FGD5: variants seen among roughly 807,000 people sequenced by gnomAD.
FGD5 encodes FYVE, RhoGEF and PH domain-containing protein 5.
Under a neutral mutation model 133.4 loss-of-function variants are expected in FGD5, and 28 were observed. That is an observed-to-expected ratio of 0.21 (90% CI 0.16 to 0.29). FGD5 has a LOEUF of 0.29. Ranked by LOEUF, FGD5 falls within the 10% of genes least tolerant of loss-of-function variation. The pLI, the probability that FGD5 is intolerant of heterozygous loss-of-function variation, is 1.00. For missense variants in FGD5, 1,858 were observed against 1,895.2 expected (o/e 0.98, Z 0.36); for synonymous variants, 810 against 776.5 (o/e 1.04, Z -0.72).
At chr3:14,828,772 G>GGGCAGTA (rs1316362656) in intron 1 of FGD5, among the ~76,000 whole-genome samples, 1 of 151,844 alleles carries the variant, frequency 6.6e-6, no homozygotes, top group African/African-American at 2.4e-5. Flanking sequence ...GCTATGGAGT[G>GGGCAGTA]GGCAGTAGGG....
At chr3:14,880,079 G>C (rs896686338) in intron 2 of FGD5, among the ~76,000 whole-genome samples, 1 of 152,174 alleles carries the variant, frequency 6.6e-6, no homozygotes, top group Admixed American at 6.5e-5. Context: ...GGGCTCGGTG[G>C]CTCATGCCTA....
chr3:14,865,535 C>T (rs965217671), intron 2 of FGD5, among the ~76,000 whole-genome samples: 1 of 152,126 alleles, frequency 6.6e-6, no homozygotes, highest in Non-Finnish European at 1.5e-5. Flanking sequence ...CCTTCACACC[C>T]TCCCCACCCC....
At chr3:14,851,257 T>C (rs2037158458) in intron 1 of FGD5, among the ~76,000 whole-genome samples, 2 of 152,184 alleles carry the variant, frequency 1.3e-5, no homozygotes, top group South Asian at 4.1e-4. Context: ...TCTCATCTGA[T>C]CCCTACATAG....
chr3:14,826,344 A>G (rs2036598064), intron 1 of FGD5, among the ~76,000 whole-genome samples: 1 of 150,416 alleles, frequency 6.6e-6, no homozygotes, highest in South Asian at 2.1e-4. Context: ...GCCCTCATCC[A>G]TTAGTGCATG....
At chr3:14,821,828 G>T (rs1227358214) in intron 1 of FGD5, among the ~76,000 whole-genome samples, 5 of 152,172 alleles carry the variant, frequency 3.3e-5, no homozygotes, top group Admixed American at 2.6e-4. Flanking sequence ...AAGGCCGGGC[G>T]CAGTGGCTCA....
intron 1 of FGD5, among the ~76,000 whole-genome samples, chr3:14,855,877 T>C (rs1279377701): frequency 6.6e-6 from 1 of 152,208 alleles, no homozygotes; most frequent in African/African-American, 2.4e-5. Flanking sequence ...GCTTTGTTGT[T>C]TGATATAATC....
chr3:14,891,161 G>A (rs1216903507), intron 4 of FGD5, among the ~76,000 whole-genome samples: 3 of 152,192 alleles, frequency 2.0e-5, no homozygotes, highest in Non-Finnish European at 4.4e-5. Flanking sequence ...CAGGGCTGGA[G>A]GCTGGGTCCT....
chr3:14,878,507 A>G (rs1019546621), intron 2 of FGD5, among the ~76,000 whole-genome samples: 1 of 152,170 alleles, frequency 6.6e-6, no homozygotes, highest in South Asian at 2.1e-4. Context: ...ATGATGGCCA[A>G]TAATTCCATA....
chr3:14,820,053 G>T lies in FGD5; in HGVS notation c.982G>T (p.Val328Phe), dbSNP rs1489588538. ...DESAEESCQI[V>F]PFENDCMEDF... ...GTCCGCCGAGGAGAGCTGCCAGATT[G>T]TCCCTTTTGAGAATGACTGCATGGA... Residue 328 changes from valine (V) to phenylalanine (F), a missense_variant, in exon 1 of 20, where the codon GTC becomes TTC. By Grantham distance (50) the Val-to-Phe change is conservative. Around this residue, in one of 3 missense-constraint regions of FGD5, gnomAD observed 1,824 missense variants for 1,848.9 expected, o/e 0.99. Transcript: ENST00000285046. The T allele has an allele frequency of 6.2e-7, 1 of 1,613,932 alleles. No individual in the cohort carries two copies.
chr3:14,857,236 A>AC (rs34915656), intron 1 of FGD5, among the ~76,000 whole-genome samples: 7,848 of 150,110 alleles, frequency 0.052, 251 homozygotes, highest in Middle Eastern at 0.095. Context: ...AGCAGCCTCC[A>AC]CCCCCCCAGG....
intron 1 of FGD5, among the ~76,000 whole-genome samples, chr3:14,850,396 A>C (rs1158720868): frequency 1.3e-5 from 2 of 152,206 alleles, no homozygotes; most frequent in Non-Finnish European, 2.9e-5. Context: ...CTGGTGAGGA[A>C]GGAAGCTCGT....
At chr3:14,815,936 G>C (rs2036361958), upstream of FGD5, among the ~76,000 whole-genome samples, 1 of 152,262 alleles carries the variant, frequency 6.6e-6, no homozygotes, top group African/African-American at 2.4e-5. Flanking sequence ...GTGAGGGTCA[G>C]ATGAAGCCTT....
Position 14,917,897 on chromosome 3 carries a change from G to A in FGD5, c.3489+565G>A, listed in dbSNP as rs1471896728. The stretch of plus-strand genomic sequence containing the variant: ...TATGTCCATGAATTTGACTACTATG[G>A]GTACCTCGAATGAGGAGTCACACAG... On this transcript the variant is annotated intron_variant, in intron 12 of 19. Coordinates refer to ENST00000285046, the MANE Select transcript of FGD5 (RefSeq NM_152536.4). The surrounding 1 kb of genome is among the most constrained non-coding windows in gnomAD (Gnocchi z 4.1). Among the ~76,000 whole-genome samples, 1 of 152,068 alleles carries A rather than the reference G, an allele frequency of 6.6e-6. No individual in the cohort carries two copies. Among genetic ancestry groups the A allele is most frequent in the East Asian group, 1.9e-4 (1 of 5,186 alleles).
intron 1 of FGD5, among the ~76,000 whole-genome samples, chr3:14,852,072 T>C (rs930459443): frequency 3.9e-5 from 6 of 152,240 alleles, no homozygotes; most frequent in African/African-American, 1.4e-4. Flanking sequence ...AGATTTATCA[T>C]ATGACCCAGC....
At chr3:14,872,920 G>C (rs992791840) in intron 2 of FGD5, among the ~76,000 whole-genome samples, 4 of 152,190 alleles carry the variant, frequency 2.6e-5, no homozygotes, top group African/African-American at 9.7e-5. Context: ...TTATCTTGAG[G>C]CCAGTGCTTG....
intron 1 of FGD5, among the ~76,000 whole-genome samples, chr3:14,838,216 C>T (rs146840507): frequency 1.3e-5 from 2 of 152,260 alleles, no homozygotes; most frequent in Non-Finnish European, 2.9e-5. Context: ...CTGTTTTCTG[C>T]ATGGACTTCT....
intron 11 of FGD5, among the ~76,000 whole-genome samples, chr3:14,914,207 C>T (rs1381633375): frequency 2.0e-5 from 3 of 152,252 alleles, no homozygotes; most frequent in African/African-American, 7.2e-5. Flanking sequence ...AAGAATTTTT[C>T]TTCCTCAAAG....
At chr3:14,876,782 G>T (rs2037727641) in intron 2 of FGD5, among the ~76,000 whole-genome samples, 2 of 152,172 alleles carry the variant, frequency 1.3e-5, no homozygotes, top group African/African-American at 4.8e-5. Flanking sequence ...CTATATTTTG[G>T]GAACTGATGT....
At chr3:14,900,358 C>A (rs755131789) in intron 7 of FGD5, 45 bp from the exon 8 acceptor site, 2 of 1,601,282 alleles carry the variant, frequency 1.2e-6, no homozygotes, top group African/African-American at 2.7e-5. Context: ...GCAGGAGGGG[C>A]TGACCTCACC....
Sources: gnomAD v4.1 joint callset for allele counts (sites outside exome capture counted in the v4.1 genomes callset) on GRCh38, gnomAD v4.1.1 for gene constraint, gnomAD v4.1.1 regional missense constraint, Gnocchi (gnomAD v3.1) non-coding constraint, MANE v1.5 for transcripts, NCBI Gene and HGNC (gene_info 2026-07-23, HGNC 2026-07-21) for gene names.